Variants in DNAH7 observed in about 807,000 individuals in gnomAD.
DNAH7 encodes the protein dynein axonemal heavy chain 7.
Under a neutral mutation model 444.6 loss-of-function variants are expected in DNAH7, and 397 were observed. The ratio of observed to expected loss-of-function variants is 0.89; its 90% confidence interval spans 0.82 to 0.97. The LOEUF (loss-of-function observed/expected upper bound fraction) is 0.97, where lower values mean the gene tolerates loss of function less well. Ranked by LOEUF, DNAH7 falls within the 50% of genes least tolerant of loss-of-function variation. The pLI is 0.00. For synonymous variants in DNAH7, 1,636 were observed against 1,624.4 expected (o/e 1.01, Z -0.17); for missense variants, 4,902 against 4,800.8 (o/e 1.02, Z -0.62).
chr2:195,997,534 A>G (rs1693772983), intron 12 of DNAH7, among the ~76,000 whole-genome samples: 2 of 152,160 alleles, frequency 1.3e-5, no homozygotes, highest in African/African-American at 4.8e-5. Flanking sequence ...TATGAATTTA[A>G]TCATCTCCTA....
intron 51 of DNAH7, among the ~76,000 whole-genome samples, chr2:195,814,365 C>T (rs1421431488): frequency 6.6e-6 from 1 of 152,154 alleles, no homozygotes; most frequent in Non-Finnish European, 1.5e-5. Flanking sequence ...ATCCAAATCA[C>T]ACATCTGGGT....
rs554859406 is a variant in DNAH7 at position 195,887,856 on chromosome 2, G to C, written c.5406+402C>G. ...CCTCTTCCCCTCCCCAGTGTGTACT[G>C]AAAGAAAGAAAAATGAATTTGCCTA... On this transcript the variant is annotated intron_variant, in intron 33 of 64. Coordinates refer to ENST00000312428, the MANE Select transcript of DNAH7 (RefSeq NM_018897.3). Among the ~76,000 whole-genome samples, 31 of 124,282 alleles carry C rather than the reference G, an allele frequency of 2.5e-4. No individual in the cohort carries two copies. In the Admixed American group the frequency reaches 2.8e-3, roughly 11 times the overall value. The allele number at this position is 124,282 out of a possible 152,430, so 81.5% of individuals were successfully genotyped here. A position where few individuals can be genotyped will look rare whatever the true frequency, so the allele number is the denominator to read the frequency against.
At chr2:195,756,512 C>G (rs1018214872) in intron 61 of DNAH7, among the ~76,000 whole-genome samples, 1 of 151,762 alleles carries the variant, frequency 6.6e-6, no homozygotes, top group South Asian at 2.1e-4. Flanking sequence ...TTAATCTAAC[C>G]ATTTTTTGTT....
intron 51 of DNAH7, among the ~76,000 whole-genome samples, chr2:195,814,325 G>T (rs1380121211): frequency 6.6e-6 from 1 of 152,142 alleles, no homozygotes; most frequent in Non-Finnish European, 1.5e-5. Context: ...CAACTAAAAA[G>T]AAAAGGCCAC....
chr2:195,845,158 G>A lies in DNAH7; in HGVS notation c.8789C>T (p.Thr2930Ile), dbSNP rs780784615. 6 of 1,607,112 alleles carry A rather than the reference G, an allele frequency of 3.7e-6. No individual in the cohort carries two copies. The Admixed American group carries it at 1.0e-4, about 27-fold the overall frequency. ...TTTGCACAAAGTTGTCCACTCTTTA[G>A]TTTGATTCTTTAGAACATCCACAGA... The part of the protein sequence containing the change: ...AFTSTYRQNQ[T>I]KEWTTLCKGR... The change falls in exon 47 of 65, where the codon ACT becomes ATT. Residue 2930 changes from threonine to isoleucine, a missense_variant. Coordinates refer to ENST00000312428, the MANE Select transcript of DNAH7 (RefSeq NM_018897.3).
rs562026033 is a variant in DNAH7 at position 196,022,327 on chromosome 2, A to G, written c.743+2102T>C. 2.6e-5 allele frequency among the ~76,000 whole-genome samples: 4 copies of G among 152,268 alleles called. No individual in the cohort carries two copies. In the South Asian group the frequency reaches 8.3e-4, roughly 32 times the overall value. On this transcript the variant is annotated intron_variant, in intron 8 of 64. Coordinates refer to ENST00000312428, the MANE Select transcript of DNAH7 (RefSeq NM_018897.3). ...TCCTCAATTGACTCTTCTTTTCATG[A>G]AAGATTTCTCTGCAGCATTCAATGC... is the stretch of plus-strand genomic sequence containing the variant.
At position 195,960,987 on chromosome 2, in the gene DNAH7, G is replaced by C. The variant is rs139087578; in HGVS notation, c.2206-42C>G. 949 of 1,391,016 alleles carry C rather than the reference G, an allele frequency of 6.8e-4. 4 individuals are homozygous for C. The African/African-American group carries it at 0.013, about 18-fold the overall frequency. 86.2% of individuals were successfully genotyped at this position (1,391,016 alleles called of 1,614,324 possible). The stretch of plus-strand genomic sequence containing the variant: ...TGAATATATTAGTTATTTTGAAAGT[G>C]AATGATACTGCAAATTAAGTTTTTT... On this transcript the variant is annotated intron_variant, in intron 17 of 64. Transcript: ENST00000312428.
chr2:195,742,173 G>C (rs1693082841), intron 63 of DNAH7, among the ~76,000 whole-genome samples: 1 of 152,162 alleles, frequency 6.6e-6, no homozygotes, highest in African/African-American at 2.4e-5. Flanking sequence ...TGAGGGGAGA[G>C]ATGGGTCTGC....
chr2:195,926,650 A>G, intron 21 of DNAH7, 84 bp from the exon 22 acceptor site: 1 of 1,205,182 alleles, frequency 8.3e-7, no homozygotes, highest in Non-Finnish European at 1.1e-6. Context: ...AGATTAATTC[A>G]TACTGCTCAA....
rs756228643 is a variant in DNAH7, at chr2:195,775,102, C to T, written c.11202+744G>A. ...GCTCTCCAAGCTCTGTAGTTCTGGT[C>T]TCTTTACCTCTGAATTGTGATAAAC... On this transcript the variant is annotated intron_variant, in intron 60 of 64. Coordinates refer to ENST00000312428, the MANE Select transcript of DNAH7 (RefSeq NM_018897.3). Among the ~76,000 whole-genome samples, 12 of 152,266 alleles carry T rather than the reference C, an allele frequency of 7.9e-5. No homozygotes were observed. The East Asian group carries it at 1.9e-3, about 24-fold the overall frequency.
intron 55 of DNAH7, 133 bp downstream of exon 55, chr2:195,799,163 T>C: frequency 2.8e-6 from 2 of 713,264 alleles, no homozygotes; most frequent in Non-Finnish European, 4.1e-6. Context: ...TTTCTTGGGA[T>C]TCTGTCAACT....
Position 195,749,333 on chromosome 2 carries a change from C to T in DNAH7, c.11764+5004G>A, listed in dbSNP as rs1246947409. On this transcript the variant is annotated intron_variant, in intron 63 of 64. Transcript: ENST00000312428. The stretch of plus-strand genomic sequence containing the variant: ...CAATCATTAAAAAGTCAGGAAACAA[C>T]AGGTGCTGGAGAGGATGTGGAGAAA... Among the ~76,000 whole-genome samples, 6 of 150,366 alleles carry T rather than the reference C, an allele frequency of 4.0e-5. No homozygotes were observed. The East Asian group carries it at 9.8e-4, about 24-fold the overall frequency.
intron 5 of DNAH7, among the ~76,000 whole-genome samples, chr2:196,036,092 C>T (rs1696370264): frequency 2.0e-5 from 3 of 147,776 alleles, no homozygotes; most frequent in Non-Finnish European, 3.0e-5. Context: ...AGTGCAATGG[C>T]GTGATCTCAG....
intron 29 of DNAH7, among the ~76,000 whole-genome samples, 182 bp downstream of exon 29, chr2:195,897,485 A>T (rs1702388501): frequency 6.6e-6 from 1 of 152,148 alleles, no homozygotes; most frequent in South Asian, 2.1e-4. Context: ...TTAAAATCCC[A>T]AGTTGTTGAA....
chr2:195,747,511 C>A (rs1005384381), intron 63 of DNAH7, among the ~76,000 whole-genome samples: 5 of 152,146 alleles, frequency 3.3e-5, no homozygotes, highest in Non-Finnish European at 7.4e-5. Flanking sequence ...ATCCTGATAC[C>A]AAAGCCAGGC....
At chr2:195,822,814 C>T (rs976340977) in intron 49 of DNAH7, among the ~76,000 whole-genome samples, 8 of 152,180 alleles carry the variant, frequency 5.3e-5, no homozygotes, top group Admixed American at 4.6e-4. Flanking sequence ...TTTACTTAAA[C>T]ATTTTTCTCT....
intron 10 of DNAH7, among the ~76,000 whole-genome samples, chr2:196,006,860 C>T (rs1476522101): frequency 2.0e-5 from 3 of 151,876 alleles, no homozygotes; most frequent in African/African-American, 7.3e-5. Context: ...TTTGTATTTA[C>T]ATTTAATACA....
rs716445 is a variant in DNAH7 at position 195,945,489 on chromosome 2, A to G, written c.3079-8697T>C. ...TTCACGATCTTCCTTGACAGCAGAAATAGCTAAAATGACAGAAAGCTGGTC... is the reference window on the plus strand; with the variant it reads ...TTCACGATCTTCCTTGACAGCAGAAGTAGCTAAAATGACAGAAAGCTGGTC... On this transcript the variant is annotated intron_variant, in intron 19 of 64. Transcript: ENST00000312428. Among the ~76,000 whole-genome samples, 1,176 of 152,312 alleles carry G rather than the reference A, an allele frequency of 7.7e-3. 8 individuals carry two copies. The highest frequency in any genetic ancestry group is 0.013 in the Non-Finnish European group (855 of 68,032).
At chr2:196,010,498 A>G (rs1694664532) in intron 10 of DNAH7, among the ~76,000 whole-genome samples, 2 of 152,192 alleles carry the variant, frequency 1.3e-5, no homozygotes, top group South Asian at 2.1e-4. Context: ...TACAACCACT[A>G]GAGAGAACAC....
Sources: allele counts gnomAD v4.1 joint callset (sites outside exome capture counted in the v4.1 genomes callset), GRCh38; gene constraint gnomAD v4.1.1; transcripts MANE v1.5; gene names NCBI Gene and HGNC (gene_info 2026-07-23, HGNC 2026-07-21).